The following CDH7 variants were observed in gnomAD, a reference collection of about 807,000 sequenced individuals.
CDH7 encodes the protein cadherin-7.
CDH7 carries 25 observed loss-of-function variants against 71.8 expected under a neutral mutation model. The ratio of observed to expected loss-of-function variants is 0.35; its 90% confidence interval spans 0.25 to 0.49. CDH7 has a LOEUF of 0.49. Among genes scored for constraint, CDH7 ranks in the 20% least tolerant of loss-of-function variants. The pLI, the probability that CDH7 is intolerant of heterozygous loss-of-function variation, is 0.99. For synonymous variants in CDH7, 381 were observed against 363.8 expected (o/e 1.05, Z -0.54); for missense variants, 862 against 974.6 (o/e 0.88, Z 1.54).
intron 2 of CDH7, among the ~76,000 whole-genome samples, chr18:65,781,832 T>C (rs1568181540): frequency 2.6e-4 from 22 of 85,914 alleles, no homozygotes; most frequent in African/African-American, 2.0e-3. Context: ...CTTTCTTTCT[T>C]TCTTTCTTTC....
At chr18:65,876,768 A>G (rs1163342175) in intron 11 of CDH7, among the ~76,000 whole-genome samples, 2 of 152,214 alleles carry the variant, frequency 1.3e-5, no homozygotes, top group African/African-American at 4.8e-5. Flanking sequence ...CGTAAGGTCC[A>G]TGAGTAAATG....
chr18:65,816,697 A>G (rs1027782201), intron 4 of CDH7, among the ~76,000 whole-genome samples: 4 of 152,110 alleles, frequency 2.6e-5, no homozygotes, highest in East Asian at 1.9e-4. Context: ...GAGGGTAACT[A>G]TATTTTCTGC....
At chr18:65,784,089 A>C (rs9989502) in intron 2 of CDH7, among the ~76,000 whole-genome samples, 64,834 of 148,504 alleles carry the variant, frequency 0.44, 16,914 homozygotes, top group African/African-American at 0.74. Context: ...GTAGCTGGGA[A>C]CACAGGCATT....
intron 2 of CDH7, among the ~76,000 whole-genome samples, chr18:65,791,735 G>A (rs997055612): frequency 6.6e-6 from 1 of 152,184 alleles, no homozygotes; most frequent in African/African-American, 2.4e-5. Flanking sequence ...GTCACATGAC[G>A]TAATGTATGT....
intron 6 of CDH7, among the ~76,000 whole-genome samples, chr18:65,838,831 G>T (rs1466915522): frequency 6.6e-6 from 1 of 152,156 alleles, no homozygotes; most frequent in Non-Finnish European, 1.5e-5. Flanking sequence ...TCCAACAATA[G>T]AATTTGCCAA....
intron 7 of CDH7, among the ~76,000 whole-genome samples, chr18:65,852,838 G>A (rs1175890794): frequency 6.6e-6 from 1 of 151,914 alleles, no homozygotes; most frequent in African/African-American, 2.4e-5. Context: ...ATTTGTTTGA[G>A]AATTAAGGAA....
chr18:65,873,809 A>T lies in CDH7; in HGVS notation c.1865-6592A>T, dbSNP rs139949680. On this transcript the variant is annotated intron_variant, in intron 11 of 11. Coordinates refer to ENST00000397968, the MANE Select transcript of CDH7 (RefSeq NM_004361.5). ...AGTCACATTTCAAATGTCATCTCTT[A>T]TGTTGGACTTTCTCTGAGAATCCTG... is the stretch of plus-strand genomic sequence containing the variant. Among the ~76,000 whole-genome samples, 8 of 152,322 alleles carry T rather than the reference A, an allele frequency of 5.3e-5. No individual in the cohort carries two copies. The East Asian group carries it at 1.5e-3, about 29-fold the overall frequency.
At chr18:65,780,074 A>G (rs1910122463) in intron 2 of CDH7, among the ~76,000 whole-genome samples, 2 of 106,138 alleles carry the variant, frequency 1.9e-5, no homozygotes, top group South Asian at 3.3e-4. Flanking sequence ...GCATTTCTTC[A>G]TGTGTTTTTT....
At position 65,882,700 on chromosome 18, in the gene CDH7, G is replaced by A. The variant is rs1472524804; in HGVS notation, c.*1806G>A. The A allele has an allele frequency of 6.6e-6, 1 of 152,016 alleles. No homozygotes were observed. The highest frequency in any genetic ancestry group is 1.5e-5 in the Non-Finnish European group (1 of 67,966). 9.4% of individuals were successfully genotyped at this position (152,016 alleles called of 1,614,324 possible). A position where few individuals can be genotyped will look rare whatever the true frequency, so the allele number is the denominator to read the frequency against. ...TTATGACTATATAGATATGCTTCTT[G>A]CTGTATTAATATGCATATATATTTT... On this transcript the variant is annotated 3_prime_UTR_variant, in exon 12 of 12. Coordinates refer to ENST00000397968, the MANE Select transcript of CDH7 (RefSeq NM_004361.5).
chr18:65,844,172 C>CATATTTATATATAT, intron 7 of CDH7, 107 bp downstream of exon 7: 1 of 59,304 alleles, frequency 1.7e-5, no homozygotes, highest in South Asian at 3.8e-4. Flanking sequence ...AAATAAAAAC[C>CATATTTATATATAT]AGATATATAT....
chr18:65,786,278 T>C (rs78233493), intron 2 of CDH7, among the ~76,000 whole-genome samples: 1 of 152,172 alleles, frequency 6.6e-6, no homozygotes, highest in East Asian at 1.9e-4. Context: ...TTTAAAGTAA[T>C]AACCAAGGGT....
chr18:65,826,744 G>A (rs1912144963), intron 6 of CDH7, among the ~76,000 whole-genome samples: 2 of 150,944 alleles, frequency 1.3e-5, no homozygotes, highest in African/African-American at 4.9e-5. Flanking sequence ...AAGGCCAAAT[G>A]GAAATAAATA....
intron 7 of CDH7, among the ~76,000 whole-genome samples, chr18:65,845,754 T>G (rs1342807498): frequency 1.3e-5 from 2 of 151,998 alleles, no homozygotes; most frequent in African/African-American, 2.4e-5. Flanking sequence ...ATATCATAAT[T>G]TACTACTAAA....
chr18:65,817,242 A>G (rs1911754050), intron 4 of CDH7, among the ~76,000 whole-genome samples: 1 of 152,262 alleles, frequency 6.6e-6, no homozygotes, highest in Middle Eastern at 3.4e-3. Context: ...ATGCATACCT[A>G]TTACATCATA....
chr18:65,753,378 G>A (rs182629146), intron 1 of CDH7, among the ~76,000 whole-genome samples: 89 of 152,228 alleles, frequency 5.8e-4, no homozygotes, highest in African/African-American at 1.9e-3. Context: ...TTGCTGAATG[G>A]TTACAATCTT....
intron 2 of CDH7, among the ~76,000 whole-genome samples, chr18:65,769,467 G>A (rs2143803657): frequency 6.6e-6 from 1 of 152,270 alleles, no homozygotes; most frequent in East Asian, 1.9e-4. Context: ...AAGTTGCAAA[G>A]TGCTATTCTC....
chr18:65,799,693 A>G (rs980775690), intron 2 of CDH7, among the ~76,000 whole-genome samples: 2 of 151,732 alleles, frequency 1.3e-5, no homozygotes, highest in Non-Finnish European at 2.9e-5. Flanking sequence ...AAAAAAGTAC[A>G]ATCCCACTCT....
At chr18:65,768,216 G>A (rs901646859) in intron 2 of CDH7, among the ~76,000 whole-genome samples, 17 of 99,888 alleles carry the variant, frequency 1.7e-4, no homozygotes, top group Non-Finnish European at 1.1e-4. Context: ...GTCTATATGC[G>A]TTGTTGTTTT....
intron 6 of CDH7, among the ~76,000 whole-genome samples, chr18:65,828,591 T>C (rs1283809411): frequency 6.6e-6 from 1 of 152,116 alleles, no homozygotes; most frequent in Admixed American, 6.6e-5. Context: ...TCAGTAAGGC[T>C]TCTGGTCAAC....
Sources: gnomAD v4.1 joint callset for allele counts (sites outside exome capture counted in the v4.1 genomes callset) on GRCh38, gnomAD v4.1.1 for gene constraint, MANE v1.5 for transcripts, NCBI Gene and HGNC (gene_info 2026-07-23, HGNC 2026-07-21) for gene names.